ARHGAP15: variants seen among roughly 807,000 people sequenced by gnomAD.
ARHGAP15 encodes the protein rho GTPase-activating protein 15.
A neutral mutation model predicts 63.7 loss-of-function variants in ARHGAP15; 51 were observed. The observed-to-expected ratio is 0.80, with a 90% CI of 0.64 to 1.01. The LOEUF (loss-of-function observed/expected upper bound fraction) is 1.01. Among genes scored for constraint, ARHGAP15 ranks in the 50% least tolerant of loss-of-function variants. The probability of loss-of-function intolerance (pLI) is 0.00; values close to 1 mark genes in which losing one functional copy is unlikely to be tolerated. For missense variants in ARHGAP15, 560 were observed against 564.6 expected, an observed-to-expected ratio of 0.99 and a Z score of 0.08; for synonymous variants, 191 against 193.8, an observed-to-expected ratio of 0.99 and a Z score of 0.12.
In ARHGAP15 at chr2:143,469,965, TTCTC is replaced by T. The variant is rs111883290; in HGVS notation, c.704-17395_704-17392del. Among the ~76,000 whole-genome samples, 11 of 151,248 alleles carry T rather than the reference TTCTC, an allele frequency of 7.3e-5. No individual in the cohort carries two copies. In the East Asian group the frequency reaches 1.9e-3, roughly 27 times the overall value. ...ACTCTCTCACTCTCTCTCTTTTTTT[TTCTC>T]TCTCTCTCTCTCCATAATTGTCAGA... is the stretch of plus-strand genomic sequence containing the variant. On this transcript the variant is annotated intron_variant, in intron 8 of 13. Coordinates refer to ENST00000295095, the MANE Select transcript of ARHGAP15 (RefSeq NM_018460.4).
chr2:143,697,226 A>T (rs1480415181), intron 12 of ARHGAP15, among the ~76,000 whole-genome samples: 1 of 152,186 alleles, frequency 6.6e-6, no homozygotes, highest in Non-Finnish European at 1.5e-5. Flanking sequence ...CTTTTAGGAA[A>T]GCATACTAAA....
chr2:143,538,306 A>G (rs543780184), intron 10 of ARHGAP15, among the ~76,000 whole-genome samples: 99 of 152,336 alleles, frequency 6.5e-4, no homozygotes, highest in African/African-American at 2.3e-3. Context: ...TTCTAGATAT[A>G]CAATCATGTC....
chr2:143,263,192 G>A (rs970915560), intron 6 of ARHGAP15, among the ~76,000 whole-genome samples: 1 of 152,170 alleles, frequency 6.6e-6, no homozygotes, highest in African/African-American at 2.4e-5. Flanking sequence ...AAGAACGGCA[G>A]ATCTTAAGAT....
At chr2:143,202,812 C>T (rs952250247) in intron 3 of ARHGAP15, among the ~76,000 whole-genome samples, 7 of 151,942 alleles carry the variant, frequency 4.6e-5, no homozygotes, top group African/African-American at 1.7e-4. Flanking sequence ...TTAATCGACT[C>T]AACATCCGTA....
In ARHGAP15 at chr2:143,672,968, C is replaced by T. The variant is rs528819219; in HGVS notation, c.1139-30451C>T. ...GAGTGTCTGCTAATAAACTTTCCCT[C>T]CTATTCTAAAGAGCTATGAAATTGG... On this transcript the variant is annotated intron_variant, in intron 12 of 13. Transcript: ENST00000295095. Among the ~76,000 whole-genome samples the T allele has an allele frequency of 2.0e-5, 3 of 152,210 alleles. No individual in the cohort carries two copies. The South Asian group carries it at 6.2e-4, about 32-fold the overall frequency.
chr2:143,688,601 T>G (rs1683454745), intron 12 of ARHGAP15, among the ~76,000 whole-genome samples: 1 of 152,198 alleles, frequency 6.6e-6, no homozygotes, highest in Admixed American at 6.5e-5. Context: ...AAATTTTGAT[T>G]CATCACTTAG....
chr2:143,238,828 T>C (rs140371225), intron 5 of ARHGAP15, among the ~76,000 whole-genome samples: 25 of 152,000 alleles, frequency 1.6e-4, no homozygotes, highest in Admixed American at 3.3e-4. Flanking sequence ...ATAAAGAAAA[T>C]GTGGTACATA....
At chr2:143,361,357 A>C (rs896060920) in intron 6 of ARHGAP15, among the ~76,000 whole-genome samples, 6 of 152,178 alleles carry the variant, frequency 3.9e-5, no homozygotes, top group African/African-American at 4.8e-5. Context: ...CTTAACTATC[A>C]ACATTATTAC....
At chr2:143,218,650 T>C (rs2105149341) in intron 4 of ARHGAP15, among the ~76,000 whole-genome samples, 1 of 152,326 alleles carries the variant, frequency 6.6e-6, no homozygotes, top group East Asian at 1.9e-4. Context: ...TGGGCAGCTT[T>C]CTATGGTGCT....
chr2:143,753,272 C>T lies in ARHGAP15; in HGVS notation c.1245-14717C>T, dbSNP rs553301329. On this transcript the variant is annotated intron_variant, in intron 13 of 13. Transcript: ENST00000295095. ...GCCATCAGCTATCCCTGCAGCTATG[C>T]AGGTAGTCCTTCCTTGAAAGGAGAT... Among the ~76,000 whole-genome samples the T allele has an allele frequency of 7.9e-5, 12 of 152,312 alleles. No individual in the cohort carries two copies. In the South Asian group the frequency reaches 2.3e-3, roughly 29 times the overall value.
At chr2:143,767,355 T>C (rs2072955010) in intron 13 of ARHGAP15, among the ~76,000 whole-genome samples, 1 of 152,184 alleles carries the variant, frequency 6.6e-6, no homozygotes, top group Non-Finnish European at 1.5e-5. Flanking sequence ...CAAATACATA[T>C]TTGATTCCAA....
At chr2:143,202,038 GC>G in intron 2 of ARHGAP15, 95 bp from the exon 3 acceptor site, 1 of 927,342 alleles carries the variant, frequency 1.1e-6, no homozygotes, top group Non-Finnish European at 1.8e-6. Flanking sequence ...TAATTCACAT[GC>G]TTGAATAACA....
At chr2:143,523,942 C>G (rs915649480) in intron 10 of ARHGAP15, among the ~76,000 whole-genome samples, 2 of 152,026 alleles carry the variant, frequency 1.3e-5, no homozygotes, top group South Asian at 2.1e-4. Context: ...TCATGTTTTT[C>G]AAATGTGATA....
At chr2:143,282,122 T>A (rs1681879144) in intron 6 of ARHGAP15, among the ~76,000 whole-genome samples, 1 of 152,090 alleles carries the variant, frequency 6.6e-6, no homozygotes, top group Non-Finnish European at 1.5e-5. Flanking sequence ...AATATCAGAA[T>A]CATATTGTTT....
At chr2:143,256,809 A>T (rs1680451231) in intron 6 of ARHGAP15, among the ~76,000 whole-genome samples, 1 of 152,094 alleles carries the variant, frequency 6.6e-6, no homozygotes. Flanking sequence ...GGGGTATATA[A>T]AGATTGAGTG....
At chr2:143,510,474 T>C (rs1156760132) in intron 9 of ARHGAP15, among the ~76,000 whole-genome samples, 1 of 152,216 alleles carries the variant, frequency 6.6e-6, no homozygotes, top group Non-Finnish European at 1.5e-5. Flanking sequence ...CTGACCCAGC[T>C]ACCAGAGTTA....
rs377483307 is a variant in ARHGAP15, at chr2:143,739,662, C to T, written c.1245-28327C>T. ...CTGCTACCCTTGAACCCACAACTCA[C>T]TCATGCCTTCCCATTGGCCAATGTT... On this transcript the variant is annotated intron_variant, in intron 13 of 13. Transcript: ENST00000295095. Among the ~76,000 whole-genome samples the T allele has an allele frequency of 5.1e-4, 78 of 152,306 alleles. 1 individual carries two copies. Among genetic ancestry groups the T allele is most frequent in the African/African-American group, 1.8e-3 (73 of 41,572 alleles).
At chr2:143,208,486 A>G (rs1692437943) in intron 3 of ARHGAP15, among the ~76,000 whole-genome samples, 1 of 152,206 alleles carries the variant, frequency 6.6e-6, no homozygotes, top group South Asian at 2.1e-4. Flanking sequence ...TGGCCAAAAT[A>G]CATTCCTAAT....
chr2:143,669,047 CCT>C (rs1236168509), intron 12 of ARHGAP15, among the ~76,000 whole-genome samples: 1 of 152,120 alleles, frequency 6.6e-6, no homozygotes, highest in Non-Finnish European at 1.5e-5. Flanking sequence ...GCCTCAGACC[CCT>C]GAGCTTAAAC....
Sources: allele counts gnomAD v4.1 joint callset (sites outside exome capture counted in the v4.1 genomes callset), GRCh38; gene constraint gnomAD v4.1.1; transcripts MANE v1.5; gene names NCBI Gene and HGNC (gene_info 2026-07-23, HGNC 2026-07-21).